FHIT: variants seen among roughly 807,000 people sequenced by gnomAD.
FHIT encodes bis(5'-adenosyl)-triphosphatase.
A neutral mutation model predicts 17.9 loss-of-function variants in FHIT; 19 were observed. The ratio of observed to expected loss-of-function variants is 1.06; its 90% CI spans 0.74 to 1.56. The LOEUF is 1.56. Ranked by LOEUF, FHIT falls within the 40% of genes most tolerant of loss-of-function variation. The probability of loss-of-function intolerance (pLI) is 0.00; values close to 1 mark genes in which losing one functional copy is unlikely to be tolerated. For synonymous variants in FHIT, 81 were observed against 69.7 expected, an observed-to-expected ratio of 1.16 and a Z score of -0.81; for missense variants, 248 against 189.2, an observed-to-expected ratio of 1.31 and a Z score of -1.82.
intron 4 of FHIT, among the ~76,000 whole-genome samples, chr3:60,597,897 C>A (rs2038322316): frequency 1.3e-5 from 2 of 152,022 alleles, no homozygotes; most frequent in Admixed American, 1.3e-4. Flanking sequence ...AGAGGAAGAA[C>A]AACAAAAGTA....
intron 3 of FHIT, among the ~76,000 whole-genome samples, chr3:60,918,846 T>C (rs1707139288): frequency 6.6e-6 from 1 of 152,248 alleles, no homozygotes; most frequent in Non-Finnish European, 1.5e-5. Context: ...TTAAACACCT[T>C]AGTAACACTT....
At chr3:60,396,397 T>C (rs1442585728) in intron 5 of FHIT, among the ~76,000 whole-genome samples, 1 of 152,052 alleles carries the variant, frequency 6.6e-6, no homozygotes, top group Non-Finnish European at 1.5e-5. Context: ...AAAAGGAAAA[T>C]CTTTCTTGTG....
At chr3:59,913,367 G>T (rs936466315) in intron 8 of FHIT, among the ~76,000 whole-genome samples, 1 of 152,150 alleles carries the variant, frequency 6.6e-6, no homozygotes, top group African/African-American at 2.4e-5. Flanking sequence ...CTAAAGCAAA[G>T]GGTGATAGAA....
chr3:60,556,238 C>T (rs570361938), intron 4 of FHIT, among the ~76,000 whole-genome samples: 1 of 152,160 alleles, frequency 6.6e-6, no homozygotes, highest in African/African-American at 2.4e-5. Context: ...ACAAAAGAGG[C>T]TAGACAAATG....
In FHIT at chr3:61,050,957, C is replaced by T. The variant is rs576118353; in HGVS notation, c.-163-8858G>A. ...CAATACTATTCCTTGGATTTTCTTC[C>T]GAGCCATAGACACCTATTTTGTGAG... is the stretch of plus-strand genomic sequence containing the variant. On this transcript the variant is annotated intron_variant, in intron 2 of 9. Coordinates refer to ENST00000492590, the MANE Select transcript of FHIT (RefSeq NM_002012.4). Among the ~76,000 whole-genome samples, 16 of 152,202 alleles carry T rather than the reference C, an allele frequency of 1.1e-4. 1 individual carries two copies. Among genetic ancestry groups the T allele is most frequent in the African/African-American group, 2.2e-4 (9 of 41,518 alleles).
At chr3:61,025,575 T>C (rs2032689114) in intron 3 of FHIT, among the ~76,000 whole-genome samples, 1 of 151,978 alleles carries the variant, frequency 6.6e-6, no homozygotes, top group South Asian at 2.1e-4. Flanking sequence ...CACAGAAATA[T>C]GGAAAATATT....
intron 8 of FHIT, among the ~76,000 whole-genome samples, chr3:59,819,059 G>A (rs1264234013): frequency 6.6e-6 from 1 of 152,164 alleles, no homozygotes; most frequent in Non-Finnish European, 1.5e-5. Context: ...GACTTGAAGT[G>A]GTGTAGAAAC....
At chr3:60,369,874 G>A (rs1700252965) in intron 5 of FHIT, among the ~76,000 whole-genome samples, 1 of 152,128 alleles carries the variant, frequency 6.6e-6, no homozygotes, top group Admixed American at 6.5e-5. Flanking sequence ...GGCACACAAG[G>A]AACCCTCATT....
intron 8 of FHIT, among the ~76,000 whole-genome samples, chr3:59,841,371 A>G (rs1238215023): frequency 6.6e-6 from 1 of 152,190 alleles, no homozygotes; most frequent in Non-Finnish European, 1.5e-5. Context: ...GCCATTAGCT[A>G]CTTGAGAATG....
chr3:60,943,195 G>A (rs1382626542), intron 3 of FHIT, among the ~76,000 whole-genome samples: 1 of 152,002 alleles, frequency 6.6e-6, no homozygotes, highest in Non-Finnish European at 1.5e-5. Flanking sequence ...GTGTCTGAGA[G>A]AAAAATGGTT....
chr3:61,107,644 G>C (rs886648345), intron 2 of FHIT, among the ~76,000 whole-genome samples: 1 of 152,066 alleles, frequency 6.6e-6, no homozygotes, highest in Admixed American at 6.6e-5. Context: ...TTGTCTTTCT[G>C]ATAATAGCCT....
chr3:60,811,674 A>T (rs1394315744), intron 4 of FHIT, among the ~76,000 whole-genome samples: 1 of 152,106 alleles, frequency 6.6e-6, no homozygotes, highest in Non-Finnish European at 1.5e-5. Flanking sequence ...CACATATAAC[A>T]TGGAAATGAC....
intron 5 of FHIT, among the ~76,000 whole-genome samples, chr3:60,048,464 C>G (rs749765520): frequency 3.3e-5 from 5 of 152,176 alleles, no homozygotes; most frequent in Non-Finnish European, 7.3e-5. Flanking sequence ...GCGTGAGTCT[C>G]TACGACCGGC....
chr3:61,209,073 T>C (rs1576221919), intron 1 of FHIT, among the ~76,000 whole-genome samples: 2 of 152,096 alleles, frequency 1.3e-5, no homozygotes, highest in Admixed American at 1.3e-4. Flanking sequence ...CCTTCACTTA[T>C]GAAGCTTAGT....
chr3:60,920,290 G>A (rs1482896040), intron 3 of FHIT, among the ~76,000 whole-genome samples: 1 of 152,096 alleles, frequency 6.6e-6, no homozygotes, highest in East Asian at 1.9e-4. Context: ...ATAGTGAAGA[G>A]AAATTTATGA....
At chr3:61,231,165 G>C (rs532691646) in intron 1 of FHIT, among the ~76,000 whole-genome samples, 1 of 152,274 alleles carries the variant, frequency 6.6e-6, no homozygotes, top group South Asian at 2.1e-4. Context: ...AACTGCATGT[G>C]AATCTAGAAC....
chr3:61,182,261 TATG>T lies in FHIT; in HGVS notation c.-164+18353_-164+18355del, dbSNP rs1452220977. Among the ~76,000 whole-genome samples, 3 of 152,314 alleles carry T rather than the reference TATG, an allele frequency of 2.0e-5. No homozygotes were observed. The East Asian group carries it at 5.8e-4, about 29-fold the overall frequency. ...AAAACATTGTATTCCACGGTTAAAGTATGAAATGCCTACATAACCAGATAAAAT... is the reference window on the plus strand; with the variant it reads ...AAAACATTGTATTCCACGGTTAAAGTAAATGCCTACATAACCAGATAAAAT... On this transcript the variant is annotated intron_variant, in intron 2 of 9. Coordinates refer to ENST00000492590, the MANE Select transcript of FHIT (RefSeq NM_002012.4).
chr3:60,672,712 T>A (rs142072949), intron 4 of FHIT, among the ~76,000 whole-genome samples: 34 of 152,332 alleles, frequency 2.2e-4, no homozygotes, highest in African/African-American at 7.5e-4. Context: ...TTATATTTAA[T>A]GTAATGATAT....
rs6806308 is a variant in FHIT at position 60,854,555 on chromosome 3, A to T, written c.-110-32544T>A. On this transcript the variant is annotated intron_variant, in intron 3 of 9. Coordinates refer to ENST00000492590, the MANE Select transcript of FHIT (RefSeq NM_002012.4). Reference sequence around the variant, plus strand: ...GTCATGAATGCCCCAGCCTACTTCTATTTTTTTTTTTTTTTTCCTCTGCTG... The same window carrying T: ...GTCATGAATGCCCCAGCCTACTTCTTTTTTTTTTTTTTTTTTCCTCTGCTG... 9.7e-3 allele frequency among the ~76,000 whole-genome samples: 1,343 copies of T among 138,444 alleles called. 18 individuals carry two copies. Among genetic ancestry groups the T allele is most frequent in the African/African-American group, 0.032 (1,203 of 37,206 alleles). 90.8% of individuals were successfully genotyped at this position (138,444 alleles called of 152,430 possible).
Sources: gnomAD v4.1 joint callset for allele counts (sites outside exome capture counted in the v4.1 genomes callset) on GRCh38, gnomAD v4.1.1 for gene constraint, MANE v1.5 for transcripts, NCBI Gene and HGNC (gene_info 2026-07-23, HGNC 2026-07-21) for gene names.